Variants in CACNA1C observed in about 807,000 individuals in gnomAD.
CACNA1C encodes voltage-dependent L-type calcium channel subunit alpha-1C.
A neutral mutation model predicts 229.0 loss-of-function variants in CACNA1C; 30 were observed. The ratio of observed to expected loss-of-function variants is 0.13; its 90% CI spans 0.10 to 0.18. CACNA1C has a LOEUF of 0.18. Ranked by LOEUF, CACNA1C falls within the 10% of genes least tolerant of loss-of-function variation. The probability of loss-of-function intolerance (pLI) is 1.00; values close to 1 mark genes in which losing one functional copy is unlikely to be tolerated. For synonymous variants in CACNA1C, 1,114 were observed against 1,132.5 expected, an observed-to-expected ratio of 0.98 and a Z score of 0.33; for missense variants, 1,658 against 2,845.0, an observed-to-expected ratio of 0.58 and a Z score of 9.49.
intron 13 of CACNA1C, among the ~76,000 whole-genome samples, chr12:2,571,314 T>C (rs1453303118): frequency 6.6e-6 from 1 of 152,194 alleles, no homozygotes; most frequent in Non-Finnish European, 1.5e-5. Context: ...TCTAGGTCCC[T>C]GAGACAGGAC....
At chr12:2,103,576 T>C (rs545125894) in intron 1 of CACNA1C, among the ~76,000 whole-genome samples, 2 of 152,336 alleles carry the variant, frequency 1.3e-5, no homozygotes, top group Admixed American at 6.5e-5. Flanking sequence ...AGCTCTTCAG[T>C]TTAATCAGAT....
At chr12:2,162,945 A>G (rs2095973782) in intron 3 of CACNA1C, among the ~76,000 whole-genome samples, 2 of 152,146 alleles carry the variant, frequency 1.3e-5, no homozygotes, top group South Asian at 4.1e-4. Flanking sequence ...GCACATGGAA[A>G]ACCCACGGAT....
At chr12:2,690,869 G>A in intron 46 of CACNA1C, 31 bp from the exon 47 acceptor site, 1 of 1,513,634 alleles carries the variant, frequency 6.6e-7, no homozygotes, top group Non-Finnish European at 8.9e-7. Context: ...TGTTCCTTTG[G>A]TTCTTCATGG....
intron 4 of CACNA1C, among the ~76,000 whole-genome samples, chr12:2,451,141 G>A (rs1454690817): frequency 6.6e-6 from 1 of 152,174 alleles, no homozygotes; most frequent in Admixed American, 6.5e-5. Flanking sequence ...GTCTAGCTCT[G>A]GCTCATAGCA....
intron 13 of CACNA1C, among the ~76,000 whole-genome samples, chr12:2,578,537 G>A (rs1391873762): frequency 5.3e-5 from 8 of 152,116 alleles, no homozygotes; most frequent in Non-Finnish European, 7.3e-5. Context: ...TCAGCTGCCC[G>A]GAGCGGGGGT....
chr12:2,672,838 C>A (rs2096624474), intron 38 of CACNA1C, among the ~76,000 whole-genome samples: 1 of 152,186 alleles, frequency 6.6e-6, no homozygotes, highest in African/African-American at 2.4e-5. Flanking sequence ...TATTTGAATA[C>A]CATGTGTGTT....
chr12:2,642,705 G>T (rs2093856309), intron 30 of CACNA1C, among the ~76,000 whole-genome samples: 1 of 152,112 alleles, frequency 6.6e-6, no homozygotes, highest in African/African-American at 2.4e-5. Flanking sequence ...TCTCCCTCTG[G>T]CATAAGGAAT....
intron 1 of CACNA1C, among the ~76,000 whole-genome samples, chr12:1,979,094 C>A (rs959022298): frequency 6.6e-5 from 10 of 152,056 alleles, no homozygotes; most frequent in African/African-American, 2.4e-4. Flanking sequence ...ACTGCTGCAA[C>A]CTCCGCCTCC....
chr12:2,416,926 G>A (rs187448420), intron 3 of CACNA1C, among the ~76,000 whole-genome samples: 12 of 152,270 alleles, frequency 7.9e-5, no homozygotes, highest in African/African-American at 1.9e-4. Context: ...CTCCACATCC[G>A]GAGTGTTCAC....
chr12:2,560,772 T>C (rs2047009483), intron 11 of CACNA1C, among the ~76,000 whole-genome samples: 1 of 149,572 alleles, frequency 6.7e-6, no homozygotes, highest in Admixed American at 6.8e-5. Context: ...CAATCTCTAA[T>C]AGTCCTTTGT....
chr12:2,454,585 C>G (rs1232015080), intron 4 of CACNA1C, among the ~76,000 whole-genome samples: 3 of 152,180 alleles, frequency 2.0e-5, no homozygotes, highest in African/African-American at 7.2e-5. Context: ...AAAACACCAA[C>G]CCTAATCAAG....
chr12:2,026,660 C>T (rs2047382930), intron 1 of CACNA1C, among the ~76,000 whole-genome samples: 1 of 152,156 alleles, frequency 6.6e-6, no homozygotes, highest in African/African-American at 2.4e-5. Context: ...GGCTTTTTTA[C>T]ACTGTGTACA....
intron 1 of CACNA1C, among the ~76,000 whole-genome samples, chr12:2,096,601 A>G (rs2074102758): frequency 6.6e-6 from 1 of 152,202 alleles, no homozygotes; most frequent in Non-Finnish European, 1.5e-5. Flanking sequence ...TGCAACATAA[A>G]AATTATCATT....
intron 3 of CACNA1C, among the ~76,000 whole-genome samples, chr12:2,145,069 A>C (rs1439068457): frequency 1.3e-5 from 2 of 151,274 alleles, no homozygotes; most frequent in African/African-American, 4.8e-5. Flanking sequence ...ATGCACAAAA[A>C]GTATATGTGT....
At chr12:2,267,684 C>T (rs191401600) in intron 3 of CACNA1C, among the ~76,000 whole-genome samples, 1 of 152,294 alleles carries the variant, frequency 6.6e-6, no homozygotes, top group Non-Finnish European at 1.5e-5. Context: ...TTCCAGAGTT[C>T]CTTCATCCCA....
At chr12:2,296,741 C>T (rs547798853) in intron 3 of CACNA1C, among the ~76,000 whole-genome samples, 8 of 152,180 alleles carry the variant, frequency 5.3e-5, no homozygotes, top group African/African-American at 9.7e-5. Flanking sequence ...CAAATTCCCC[C>T]GTTGGTCTGT....
At position 2,597,923 on chromosome 12, in the gene CACNA1C, G is replaced by A. The variant is rs1021204544; in HGVS notation, c.2853+634G>A. Among the ~76,000 whole-genome samples the A allele has an allele frequency of 1.3e-5, 2 of 152,200 alleles. No homozygotes were observed. The highest frequency in any genetic ancestry group is 2.9e-5 in the Non-Finnish European group (2 of 68,038). On this transcript the variant is annotated intron_variant, in intron 21 of 46. Coordinates refer to ENST00000399655, the MANE Select transcript of CACNA1C (RefSeq NM_000719.7). This position sits in a 1 kb window ranked among gnomAD's most constrained non-coding sequence, Gnocchi z 4.3. ...CTCTGAAAGTGGGAAACCTCCTGGG[G>A]CGTGAAAGAATCACTTGAGCTACTC... is the stretch of plus-strand genomic sequence containing the variant.
chr12:2,127,594 TG>T (rs990148570), intron 3 of CACNA1C, among the ~76,000 whole-genome samples: 1 of 152,004 alleles, frequency 6.6e-6, no homozygotes, highest in African/African-American at 2.4e-5. Flanking sequence ...TGCTGTGTAG[TG>T]GGGTGTGGAA....
chr12:2,339,225 A>G (rs2096789241), intron 3 of CACNA1C, among the ~76,000 whole-genome samples: 1 of 152,230 alleles, frequency 6.6e-6, no homozygotes, highest in African/African-American at 2.4e-5. Flanking sequence ...ACTGTAAGCA[A>G]TTGTAATACA....
Sources: allele counts gnomAD v4.1 joint callset (sites outside exome capture counted in the v4.1 genomes callset), GRCh38; gene constraint gnomAD v4.1.1; non-coding constraint Gnocchi (gnomAD v3.1); transcripts MANE v1.5; gene names NCBI Gene and HGNC (gene_info 2026-07-23, HGNC 2026-07-21).